ZNF436: variants seen among roughly 807,000 people sequenced by gnomAD.
ZNF436 encodes DNA-binding protein.
A neutral mutation model predicts 41.9 loss-of-function variants in ZNF436; 22 were observed. The ratio of observed to expected loss-of-function variants is 0.53; its 90% CI spans 0.38 to 0.75. The LOEUF (loss-of-function observed/expected upper bound fraction) is 0.75, where lower values mean the gene tolerates loss of function less well. Among genes scored for constraint, ZNF436 ranks in the 30% least tolerant of loss-of-function variants. The pLI is 0.00. For synonymous variants in ZNF436, 217 were observed against 197.8 expected, an observed-to-expected ratio of 1.10 and a Z score of -0.82; for missense variants, 506 against 587.3, an observed-to-expected ratio of 0.86 and a Z score of 1.43.
Position 23,361,166 on chromosome 1 carries a change from C to T in ZNF436, c.*803G>A, listed in dbSNP as rs1032708582. ...ACTTAACTGTCACTGATGGTCCTAT[C>T]TTTTCTTGAAGATATTTTCTATACA... On this transcript the variant is annotated 3_prime_UTR_variant, in exon 4 of 4. Transcript: ENST00000314011. The T allele has an allele frequency of 6.6e-6, 1 of 152,594 alleles. No individual in the cohort carries two copies. The highest frequency in any genetic ancestry group is 2.4e-5 in the African/African-American group (1 of 41,442). 9.5% of individuals were successfully genotyped at this position (152,594 alleles called of 1,614,324 possible). A position where few individuals can be genotyped will look rare whatever the true frequency, so the allele number is the denominator to read the frequency against.
At position 23,363,188 on chromosome 1, in the gene ZNF436, G is replaced by A. The variant is rs1638288172; in HGVS notation, c.194C>T (p.Pro65Leu). The change falls in exon 4 of 4, where the codon CCC becomes CTC. Residue 65 changes from proline to leucine, a missense_variant. Around this residue, in one of 2 missense-constraint regions of ZNF436, gnomAD observed 228 missense variants for 215.1 expected, o/e 1.06. Transcript: ENST00000314011. ...FEIRSENEVN[P>L]KQEISEDVQF... ...TACATCTTCACTAATCTCTTGCTTG[G>A]GATTTACCTCGTTCTCACTCCTGAT... The A allele has an allele frequency of 1.9e-6, 3 of 1,613,212 alleles. No homozygotes were observed. The highest frequency in any genetic ancestry group is 1.3e-5 in the African/African-American group (1 of 74,854).
At position 23,359,733 on chromosome 1, in the gene ZNF436, A is replaced by T. The variant is rs2148526482; in HGVS notation, c.*2236T>A. On this transcript the variant is annotated 3_prime_UTR_variant, in exon 4 of 4. Transcript: ENST00000314011. ...GCAACAATTGGCAGAAAGAGGAGACAGCTGGTGTGGCCCTTGTCCCTTAAG... is the reference window on the plus strand; with the variant it reads ...GCAACAATTGGCAGAAAGAGGAGACTGCTGGTGTGGCCCTTGTCCCTTAAG... The T allele has an allele frequency of 6.5e-6, 1 of 152,840 alleles. No homozygotes were observed. Among genetic ancestry groups the T allele is most frequent in the Middle Eastern group, 3.4e-3 (1 of 294 alleles). The allele number at this position is 152,840 out of a possible 1,614,324, so 9.5% of individuals were successfully genotyped here.
At position 23,360,060 on chromosome 1, in the gene ZNF436, T is replaced by C. The variant is rs1318419917; in HGVS notation, c.*1909A>G. 6.6e-6 allele frequency: 1 copy of C among 152,400 alleles called. No individual in the cohort carries two copies. Among genetic ancestry groups the C allele is most frequent in the East Asian group, 1.9e-4 (1 of 5,194 alleles). 9.4% of individuals were successfully genotyped at this position (152,400 alleles called of 1,614,324 possible). On this transcript the variant is annotated 3_prime_UTR_variant, in exon 4 of 4. Transcript: ENST00000314011. The stretch of plus-strand genomic sequence containing the variant: ...TGAGTTTAGTTACCAAGAACATGTG[T>C]CACCCGACAATTAAAATATGGATAC...
In ZNF436 at chr1:23,362,258, G is replaced by C. The variant is rs148126792; in HGVS notation, c.1124C>G (p.Ser375Cys). The C allele has an allele frequency of 6.8e-6, 11 of 1,614,222 alleles. No individual in the cohort carries two copies. Among genetic ancestry groups the C allele is most frequent in the Non-Finnish European group, 9.3e-6 (11 of 1,180,036 alleles). ...AATTTTCTGGTGTGTGATGAGATGA[G>C]AGCTCCGGCTGAAGCTTTTCCCACA... ...NACGKSFSRS[S>C]HLITHQKIHT... The change falls in exon 4 of 4, where the codon TCT (serine) becomes TGT (cysteine). Residue 375 changes from serine to cysteine, a missense_variant. Around this residue, in one of 2 missense-constraint regions of ZNF436, gnomAD observed 278 missense variants for 372.1 expected, o/e 0.75. Transcript: ENST00000314011.
At position 23,362,251 on chromosome 1, in the gene ZNF436, G is replaced by A. The variant is rs772303164; in HGVS notation, c.1131C>T (p.Leu377=). The change falls in exon 4 of 4, where the codon CTC becomes CTT. Residue 377 remains leucine (L), a synonymous_variant. Transcript: ENST00000314011. ...CGKSFSRSSH[L]ITHQKIHTGE... is the part of the protein sequence containing the mutation. ...CAGTGTGAATTTTCTGGTGTGTGATGAGATGAGAGCTCCGGCTGAAGCTTT... is the reference window on the plus strand; with the variant it reads ...CAGTGTGAATTTTCTGGTGTGTGATAAGATGAGAGCTCCGGCTGAAGCTTT... 15 of 1,613,766 alleles carry A rather than the reference G, an allele frequency of 9.3e-6. No individual in the cohort carries two copies. The highest frequency in any genetic ancestry group is 1.3e-5 in the Non-Finnish European group (15 of 1,179,958).
In ZNF436 at chr1:23,359,958, T is replaced by C. The variant is rs558029182; in HGVS notation, c.*2011A>G. 3.3e-5 allele frequency: 5 copies of C among 152,736 alleles called. No individual in the cohort carries two copies. The highest frequency in any genetic ancestry group is 1.3e-4 in the Admixed American group (2 of 15,298). 9.5% of individuals were successfully genotyped at this position (152,736 alleles called of 1,614,324 possible). ...ATGGCCACTCCCAAGCTGATACCCA[T>C]AGTGGCTCACAGAAGCAACAGGAGA... is the stretch of plus-strand genomic sequence containing the variant. On this transcript the variant is annotated 3_prime_UTR_variant, in exon 4 of 4. Transcript: ENST00000314011.
At position 23,360,282 on chromosome 1, in the gene ZNF436, G is replaced by A. The variant is rs945231298; in HGVS notation, c.*1687C>T. On this transcript the variant is annotated 3_prime_UTR_variant, in exon 4 of 4. Transcript: ENST00000314011. ...ATAGTACCCACCCAGAGAGACCACTGGCTCCTTTAACACCAAGTCCTAAAA... is the reference window on the plus strand; with the variant it reads ...ATAGTACCCACCCAGAGAGACCACTAGCTCCTTTAACACCAAGTCCTAAAA... The A allele has an allele frequency of 1.3e-5, 2 of 152,202 alleles. No homozygotes were observed. The highest frequency in any genetic ancestry group is 4.8e-5 in the African/African-American group (2 of 41,440). The allele number at this position is 152,202 out of a possible 1,614,324, so 9.4% of individuals were successfully genotyped here.
chr1:23,365,295 C>T (rs1163599759), intron 3 of ZNF436, among the ~76,000 whole-genome samples: 2 of 151,582 alleles, frequency 1.3e-5, no homozygotes, highest in African/African-American at 4.9e-5. Context: ...ACTCAGGAGG[C>T]TAAGGCAGGA....
At chr1:23,369,079 G>A (rs1429511260) in intron 1 of ZNF436, 1 of 233,262 alleles carries the variant, frequency 4.3e-6, no homozygotes, top group African/African-American at 2.3e-5. Context: ...CTCGAGCGGC[G>A]GGCTGAGTGG....
Position 23,368,059 on chromosome 1 carries a change from G to T in ZNF436, c.-54C>A. 1 of 1,607,600 alleles carries T rather than the reference G, an allele frequency of 6.2e-7. No homozygotes were observed. The highest frequency in any genetic ancestry group is 8.5e-7 in the Non-Finnish European group (1 of 1,174,728). On this transcript the variant is annotated 5_prime_UTR_variant, in exon 2 of 4. The change creates a new upstream start codon in the 5' untranslated region. Coordinates refer to ENST00000314011, the MANE Select transcript of ZNF436 (RefSeq NM_001077195.2). ...GAGAGAGCAGGAAAAGCAGCTAGCA[G>T]ACAGCGCTGAAGGAGGCGAAAAGCA... is the stretch of plus-strand genomic sequence containing the variant.
rs762967944 is a variant in ZNF436, at chr1:23,368,019, G to A, written c.-14C>T. 1.5e-5 allele frequency: 24 copies of A among 1,613,948 alleles called. No individual in the cohort carries two copies. Among genetic ancestry groups the A allele is most frequent in the Non-Finnish European group, 2.0e-5 (24 of 1,179,970 alleles). ...GGTGGCTGCCATCTCGAGCACAAGG[G>A]TTCGCCTCCAGGGAGAGAGAGCAGG... On this transcript the variant is annotated 5_prime_UTR_variant, in exon 2 of 4. Transcript: ENST00000314011.
chr1:23,366,873 T>C (rs1440140971), intron 3 of ZNF436, among the ~76,000 whole-genome samples, 169 bp downstream of exon 3: 1 of 152,154 alleles, frequency 6.6e-6, no homozygotes, highest in Non-Finnish European at 1.5e-5. Context: ...TTTTAGACAA[T>C]ATGACCTGGA....
chr1:23,365,996 T>G (rs1638349995), intron 3 of ZNF436, among the ~76,000 whole-genome samples: 1 of 151,968 alleles, frequency 6.6e-6, no homozygotes, highest in African/African-American at 2.4e-5. Context: ...AGAAACCAGT[T>G]TTTTGGCGCT....
chr1:23,365,685 G>C (rs1638343799), intron 3 of ZNF436, among the ~76,000 whole-genome samples: 1 of 152,032 alleles, frequency 6.6e-6, no homozygotes, highest in Admixed American at 6.5e-5. Context: ...CTGCACTCCA[G>C]TCTGGGCAAC....
In ZNF436 at chr1:23,361,170, T is replaced by C. The variant is rs1212166878; in HGVS notation, c.*799A>G. ...AACTGTCACTGATGGTCCTATCTTT[T>C]CTTGAAGATATTTTCTATACAATAT... On this transcript the variant is annotated 3_prime_UTR_variant, in exon 4 of 4. Coordinates refer to ENST00000314011, the MANE Select transcript of ZNF436 (RefSeq NM_001077195.2). The C allele has an allele frequency of 6.6e-6, 1 of 152,642 alleles. No homozygotes were observed. Among genetic ancestry groups the C allele is most frequent in the Non-Finnish European group, 1.5e-5 (1 of 68,044 alleles). 9.5% of individuals were successfully genotyped at this position (152,642 alleles called of 1,614,324 possible). A position where few individuals can be genotyped will look rare whatever the true frequency, so the allele number is the denominator to read the frequency against.
rs1414624831 is a variant in ZNF436 at position 23,360,392 on chromosome 1, T to C, written c.*1577A>G. 3 of 152,048 alleles carry C rather than the reference T, an allele frequency of 2.0e-5. No homozygotes were observed. Among genetic ancestry groups the C allele is most frequent in the African/African-American group, 7.2e-5 (3 of 41,404 alleles). 9.4% of individuals were successfully genotyped at this position (152,048 alleles called of 1,614,324 possible). A position where few individuals can be genotyped will look rare whatever the true frequency, so the allele number is the denominator to read the frequency against. The stretch of plus-strand genomic sequence containing the variant: ...AAGCACAGTAGAAATAAACTGGGGG[T>C]ACTCTCAAAAGAAAAGATATTCCTC... On this transcript the variant is annotated 3_prime_UTR_variant, in exon 4 of 4. Transcript: ENST00000314011.
Position 23,367,181 on chromosome 1 carries a change from G to C in ZNF436, c.34-13C>G, listed in dbSNP as rs1234462174. Reference sequence around the variant, plus strand: ...ACGTCACAGGTGCCTGAAATCACACGATACTTCCCTACTATTCTGTATTTA... The same window carrying C: ...ACGTCACAGGTGCCTGAAATCACACCATACTTCCCTACTATTCTGTATTTA... On this transcript the variant is annotated splice_polypyrimidine_tract_variant and intron_variant, in intron 2 of 3. Transcript: ENST00000314011. 1 of 1,601,284 alleles carries C rather than the reference G, an allele frequency of 6.2e-7. No individual in the cohort carries two copies. Among genetic ancestry groups the C allele is most frequent in the South Asian group, 1.1e-5 (1 of 88,474 alleles).
chr1:23,367,260 T>A, intron 2 of ZNF436, 92 bp from the exon 3 acceptor site: 15 of 1,398,806 alleles, frequency 1.1e-5, no homozygotes, highest in Non-Finnish European at 1.4e-5. Context: ...AAAAATATAT[T>A]AAATGTGACC....
chr1:23,368,311 G>C (rs995499767), intron 1 of ZNF436: 1 of 384,744 alleles, frequency 2.6e-6, no homozygotes, highest in African/African-American at 2.1e-5. Flanking sequence ...GACCGCTGCT[G>C]TCTCAGGGAG....
Sources: gnomAD v4.1 joint callset for allele counts (sites outside exome capture counted in the v4.1 genomes callset) on GRCh38, gnomAD v4.1.1 for gene constraint, gnomAD v4.1.1 regional missense constraint, MANE v1.5 for transcripts, NCBI Gene and HGNC (gene_info 2026-07-23, HGNC 2026-07-21) for gene names.